The following ACOXL variants were observed in gnomAD, a reference collection of about 807,000 sequenced individuals.
ACOXL encodes the protein acyl-CoA oxidase like.
ACOXL carries 70 observed loss-of-function variants against 71.9 expected under a neutral mutation model. The observed-to-expected ratio is 0.97, with a 90% CI of 0.80 to 1.19. ACOXL has a LOEUF of 1.19. Ranked by LOEUF, ACOXL falls within the 50% of genes most tolerant of loss-of-function variation. ACOXL has a pLI of 0.00. For synonymous variants in ACOXL, 253 were observed against 281.6 expected, an observed-to-expected ratio of 0.90 and a Z score of 1.02; for missense variants, 703 against 736.3, an observed-to-expected ratio of 0.95 and a Z score of 0.52.
intron 1 of ACOXL, among the ~76,000 whole-genome samples, chr2:110,748,679 G>C (rs1271170269): frequency 2.6e-5 from 4 of 152,176 alleles, no homozygotes; most frequent in African/African-American, 7.2e-5. Flanking sequence ...TCCTGGGAGT[G>C]GGGTGAATGC....
intron 17 of ACOXL, among the ~76,000 whole-genome samples, chr2:111,117,329 T>C (rs2070432960): frequency 6.6e-6 from 1 of 152,156 alleles, no homozygotes; most frequent in African/African-American, 2.4e-5. Flanking sequence ...TGGTCTCGAG[T>C]TCCCGGCTAA....
At chr2:110,944,464 CA>C (rs1346501810) in intron 12 of ACOXL, among the ~76,000 whole-genome samples, 2 of 152,102 alleles carry the variant, frequency 1.3e-5, no homozygotes, top group Non-Finnish European at 2.9e-5. Flanking sequence ...CAGCTAATAG[CA>C]TAGTCCTCAA....
intron 2 of ACOXL, among the ~76,000 whole-genome samples, chr2:110,781,679 A>G (rs1047161003): frequency 2.0e-5 from 3 of 151,944 alleles, no homozygotes; most frequent in African/African-American, 4.8e-5. Context: ...AAAAAAAGAA[A>G]AAAAAGAAGT....
chr2:110,760,222 C>G (rs1234853088), intron 1 of ACOXL, among the ~76,000 whole-genome samples: 1 of 151,644 alleles, frequency 6.6e-6, no homozygotes, highest in East Asian at 1.9e-4. Flanking sequence ...TCACTGCAAG[C>G]TCCACCTCTT....
intron 16 of ACOXL, among the ~76,000 whole-genome samples, chr2:111,091,010 AG>A (rs1385824611): frequency 2.0e-5 from 3 of 152,186 alleles, no homozygotes; most frequent in Non-Finnish European, 4.4e-5. Flanking sequence ...GAACAGCTAG[AG>A]ATTAAAGAGG....
Position 110,827,847 on chromosome 2 carries a change from G to C in ACOXL, c.754-13524G>C, listed in dbSNP as rs540759274. Among the ~76,000 whole-genome samples the C allele has an allele frequency of 1.1e-4, 17 of 152,298 alleles. No individual in the cohort carries two copies. In the East Asian group the frequency reaches 3.3e-3, roughly 29 times the overall value. Reference sequence around the variant, plus strand: ...CCCTGCACAAATGCTGATTGCTTCTGTTCTGGCTTTCCCACATTAAATCCC... The same window carrying C: ...CCCTGCACAAATGCTGATTGCTTCTCTTCTGGCTTTCCCACATTAAATCCC... On this transcript the variant is annotated intron_variant, in intron 9 of 17. Coordinates refer to ENST00000439055, the MANE Select transcript of ACOXL (RefSeq NM_001142807.4).
At chr2:110,901,671 CACAT>C (rs372873892) in intron 10 of ACOXL, among the ~76,000 whole-genome samples, 8 of 151,126 alleles carry the variant, frequency 5.3e-5, no homozygotes, top group African/African-American at 1.5e-4. Context: ...CACACACACA[CACAT>C]ATACACTCAC....
intron 12 of ACOXL, among the ~76,000 whole-genome samples, chr2:110,935,080 G>T (rs1311647566): frequency 2.0e-5 from 3 of 152,060 alleles, no homozygotes; most frequent in African/African-American, 4.8e-5. Flanking sequence ...GGATTCGGGG[G>T]TAGAGTAAGG....
At position 110,786,516 on chromosome 2, in the gene ACOXL, G is replaced by A. The variant is rs749866483; in HGVS notation, c.159+1701G>A. 6.6e-5 allele frequency among the ~76,000 whole-genome samples: 10 copies of A among 152,274 alleles called. No individual in the cohort carries two copies. The South Asian group carries it at 1.0e-3, about 16-fold the overall frequency. ...AAATAAATCCTGTCTCAGAAATACC[G>A]GAGGATCCTGGTCCAGACTCTCATG... On this transcript the variant is annotated intron_variant, in intron 3 of 17. Transcript: ENST00000439055.
At position 110,798,701 on chromosome 2, in the gene ACOXL, T is replaced by C. The variant is rs946137173; in HGVS notation, c.437T>C (p.Leu146Pro). 4 of 1,614,110 alleles carry C rather than the reference T, an allele frequency of 2.5e-6. No individual in the cohort carries two copies. Among genetic ancestry groups the C allele is most frequent in the South Asian group, 1.1e-5 (1 of 91,078 alleles). The part of the protein sequence containing the change: ...YGNYAAVFAQ[L>P]IIDGRSQGPH... ...AATTATGCAGCTGTCTTTGCCCAGC[T>C]CATCATAGATGGAAGATCTCAAGGT... Residue 146 changes from leucine (L) to proline (P), a missense_variant, in exon 6 of 18, where the codon CTC becomes CCC. Leu to Pro is a moderately conservative substitution (Grantham distance 98). Transcript: ENST00000439055.
At chr2:110,813,483 G>C (rs1015101952) in intron 9 of ACOXL, among the ~76,000 whole-genome samples, 14 of 152,136 alleles carry the variant, frequency 9.2e-5, no homozygotes, top group African/African-American at 3.4e-4. Flanking sequence ...CGATGCCCAG[G>C]CTGCAGCTGT....
chr2:110,993,387 G>A (rs140752383), intron 13 of ACOXL, among the ~76,000 whole-genome samples: 82 of 152,282 alleles, frequency 5.4e-4, no homozygotes, highest in Middle Eastern at 3.4e-3. Context: ...ACAGAACCAG[G>A]CAGTATGTAC....
intron 12 of ACOXL, among the ~76,000 whole-genome samples, chr2:110,978,636 A>G (rs1272207773): frequency 6.6e-6 from 1 of 152,118 alleles, no homozygotes; most frequent in East Asian, 1.9e-4. Flanking sequence ...CTTGTATTTA[A>G]TTTCATAGTT....
At chr2:110,859,422 G>A (rs1234303031) in intron 10 of ACOXL, among the ~76,000 whole-genome samples, 1 of 152,182 alleles carries the variant, frequency 6.6e-6, no homozygotes, top group African/African-American at 2.4e-5. Flanking sequence ...CTGGAGGATA[G>A]TTCAGGCCAT....
intron 15 of ACOXL, among the ~76,000 whole-genome samples, chr2:111,039,161 T>C (rs1222621929): frequency 6.6e-6 from 1 of 152,242 alleles, no homozygotes; most frequent in East Asian, 1.9e-4. Context: ...TAAGATGATG[T>C]ATTATTTCTT....
At chr2:111,028,072 C>T (rs978855189) in intron 14 of ACOXL, among the ~76,000 whole-genome samples, 7 of 148,806 alleles carry the variant, frequency 4.7e-5, no homozygotes, top group Non-Finnish European at 1.0e-4. Context: ...CCTGTAGTCC[C>T]GGCTACCCAG....
intron 10 of ACOXL, among the ~76,000 whole-genome samples, chr2:110,859,800 A>G (rs1693723954): frequency 6.6e-6 from 1 of 152,172 alleles, no homozygotes; most frequent in Non-Finnish European, 1.5e-5. Flanking sequence ...CTCACCTTGC[A>G]TCTGAGGGTG....
chr2:110,841,067 C>T (rs1691112327), intron 9 of ACOXL, among the ~76,000 whole-genome samples: 1 of 152,226 alleles, frequency 6.6e-6, no homozygotes, highest in South Asian at 2.1e-4. Context: ...CATCCTTTCA[C>T]AACTGTGTCT....
chr2:110,778,681 T>C (rs544663635), intron 2 of ACOXL, among the ~76,000 whole-genome samples: 83 of 152,348 alleles, frequency 5.4e-4, no homozygotes, highest in African/African-American at 1.9e-3. Flanking sequence ...GAGGCTCAAA[T>C]GGCATAACAC....
Sources: allele counts gnomAD v4.1 joint callset (sites outside exome capture counted in the v4.1 genomes callset), GRCh38; gene constraint gnomAD v4.1.1; transcripts MANE v1.5; gene names NCBI Gene and HGNC (gene_info 2026-07-23, HGNC 2026-07-21).